TRABD2B: variants seen among roughly 807,000 people sequenced by gnomAD.
TRABD2B encodes metalloprotease TIKI2.
TRABD2B carries 14 observed loss-of-function variants against 40.1 expected under a neutral mutation model. That is an observed-to-expected ratio of 0.35 (90% CI 0.23 to 0.55). The LOEUF is 0.55. TRABD2B is among the 20% of genes least tolerant of loss of function. The pLI, the probability that TRABD2B is intolerant of heterozygous loss-of-function variation, is 0.90. For synonymous variants in TRABD2B, 263 were observed against 277.0 expected (o/e 0.95, Z 0.50); for missense variants, 541 against 648.6 (o/e 0.83, Z 1.80).
In TRABD2B at chr1:47,895,165, G is replaced by A. The variant is rs372599524; in HGVS notation, c.667-93546C>T. Among the ~76,000 whole-genome samples the A allele has an allele frequency of 8.7e-4, 133 of 152,278 alleles. 2 individuals are homozygous for A. The highest frequency in any genetic ancestry group is 3.1e-3 in the African/African-American group (127 of 41,554). Reference sequence around the variant, plus strand: ...ATTCCCCAGGAGACGGCCACAGGGAGGAAGACCTGAGTTTCATAGCCTGAG... The same window carrying A: ...ATTCCCCAGGAGACGGCCACAGGGAAGAAGACCTGAGTTTCATAGCCTGAG... On this transcript the variant is annotated intron_variant, in intron 2 of 6. Coordinates refer to ENST00000606738, the MANE Select transcript of TRABD2B (RefSeq NM_001194986.2).
intron 2 of TRABD2B, among the ~76,000 whole-genome samples, chr1:47,844,292 G>C (rs1417223712): frequency 6.6e-6 from 1 of 152,184 alleles, no homozygotes; most frequent in African/African-American, 2.4e-5. Flanking sequence ...GTGTGTCCAT[G>C]CCTGCCCAGA....
intron 2 of TRABD2B, among the ~76,000 whole-genome samples, chr1:47,900,545 T>C (rs1388874655): frequency 6.6e-6 from 1 of 152,120 alleles, no homozygotes; most frequent in Admixed American, 6.5e-5. Flanking sequence ...CACCTAAAAG[T>C]GAAGTCTGAT....
chr1:47,990,462 C>T (rs958838899), intron 2 of TRABD2B, among the ~76,000 whole-genome samples: 1 of 152,022 alleles, frequency 6.6e-6, no homozygotes, highest in African/African-American at 2.4e-5. Flanking sequence ...CTCACCGCCT[C>T]CTAATACTCC....
intron 2 of TRABD2B, among the ~76,000 whole-genome samples, chr1:47,900,918 G>C (rs916120440): frequency 6.6e-6 from 1 of 152,100 alleles, no homozygotes; most frequent in Non-Finnish European, 1.5e-5. Context: ...GAAAGGGCTG[G>C]GAGTGGGCAC....
At chr1:47,850,021 T>C (rs1015669019) in intron 2 of TRABD2B, among the ~76,000 whole-genome samples, 1 of 152,210 alleles carries the variant, frequency 6.6e-6, no homozygotes, top group African/African-American at 2.4e-5. Context: ...CCAGATCAAA[T>C]TCCCCTGCCT....
At chr1:47,920,496 G>A (rs1024819274) in intron 2 of TRABD2B, among the ~76,000 whole-genome samples, 4 of 152,224 alleles carry the variant, frequency 2.6e-5, no homozygotes, top group African/African-American at 9.6e-5. Flanking sequence ...TCCCCTGGGG[G>A]CAGCCCCACT....
chr1:47,788,629 G>A (rs928565230), intron 4 of TRABD2B, among the ~76,000 whole-genome samples: 2 of 152,234 alleles, frequency 1.3e-5, no homozygotes, highest in Admixed American at 6.5e-5. Context: ...AGAGAGGCTG[G>A]AGCAAATAAT....
At chr1:47,802,396 G>A (rs978203545) in intron 2 of TRABD2B, among the ~76,000 whole-genome samples, 1 of 152,112 alleles carries the variant, frequency 6.6e-6, no homozygotes, top group African/African-American at 2.4e-5. Flanking sequence ...CATTTTAGAT[G>A]GGGACACTGA....
intron 2 of TRABD2B, among the ~76,000 whole-genome samples, chr1:47,852,162 G>A (rs1645558335): frequency 6.6e-6 from 1 of 152,170 alleles, no homozygotes; most frequent in African/African-American, 2.4e-5. Context: ...TGGGGGACTA[G>A]GCTCCCGAGA....
intron 2 of TRABD2B, among the ~76,000 whole-genome samples, chr1:47,916,690 C>T (rs982157): frequency 0.46 from 69,999 of 152,226 alleles, 17,920 homozygotes; most frequent in Middle Eastern, 0.62. Context: ...ATTAGGGAAG[C>T]TGCAGGACAT....
intron 2 of TRABD2B, among the ~76,000 whole-genome samples, chr1:47,869,108 G>T (rs1472041885): frequency 6.6e-6 from 1 of 151,922 alleles, no homozygotes; most frequent in Non-Finnish European, 1.5e-5. Context: ...TCCCCCATAA[G>T]AATTCCATGT....
intron 6 of TRABD2B, among the ~76,000 whole-genome samples, chr1:47,767,637 T>C (rs991077886): frequency 3.3e-5 from 5 of 152,252 alleles, no homozygotes; most frequent in Admixed American, 6.5e-5. Flanking sequence ...GGGCACACAG[T>C]AGGTGCTCAA....
In TRABD2B at chr1:47,775,297, G is replaced by A; in HGVS notation, c.1222C>T (p.His408Tyr). 4.0e-6 allele frequency: 5 copies of A among 1,255,168 alleles called. No individual in the cohort carries two copies. The highest frequency in any genetic ancestry group is 5.0e-6 in the Non-Finnish European group (5 of 997,324). The allele number at this position is 1,255,168 out of a possible 1,614,324, so 77.8% of individuals were successfully genotyped here. ...PEDEDPALSP[H>Y]LLLPDSLSQL... ...CTGAGGCTGTCGGGGAGCAGGAGGT[G>A]TGGGGACAGGGCTGGATCCTCATCC... The change falls in exon 6 of 7, where the codon CAC becomes TAC. Residue 408 changes from histidine (H) to tyrosine (Y), a missense_variant. Coordinates refer to ENST00000606738, the MANE Select transcript of TRABD2B (RefSeq NM_001194986.2).
At chr1:47,779,515 T>C (rs916852972) in intron 4 of TRABD2B, among the ~76,000 whole-genome samples, 2 of 152,218 alleles carry the variant, frequency 1.3e-5, no homozygotes, top group African/African-American at 4.8e-5. Flanking sequence ...TCTTCCTGTG[T>C]TGGAATGCAG....
intron 2 of TRABD2B, among the ~76,000 whole-genome samples, chr1:47,852,669 T>C (rs1338669114): frequency 6.6e-6 from 1 of 152,180 alleles, no homozygotes; most frequent in African/African-American, 2.4e-5. Flanking sequence ...TTCCAGGCAC[T>C]GGTTACATAC....
At chr1:47,909,109 T>G (rs1448338908) in intron 2 of TRABD2B, among the ~76,000 whole-genome samples, 1 of 152,272 alleles carries the variant, frequency 6.6e-6, no homozygotes, top group East Asian at 1.9e-4. Flanking sequence ...CCATTCTTTT[T>G]GCTAGGCATG....
chr1:47,918,049 T>C (rs1380054858), intron 2 of TRABD2B, among the ~76,000 whole-genome samples: 3 of 152,248 alleles, frequency 2.0e-5, no homozygotes, highest in East Asian at 3.8e-4. Flanking sequence ...TCAGAGGTGC[T>C]ACCTGGATTT....
At chr1:47,969,791 G>C (rs955288509) in intron 2 of TRABD2B, among the ~76,000 whole-genome samples, 1 of 152,192 alleles carries the variant, frequency 6.6e-6, no homozygotes, top group Non-Finnish European at 1.5e-5. Flanking sequence ...GGGGTTCAGA[G>C]GGAGGACAAG....
intron 4 of TRABD2B, among the ~76,000 whole-genome samples, chr1:47,792,912 G>A (rs746806733): frequency 2.6e-5 from 4 of 152,132 alleles, no homozygotes; most frequent in Non-Finnish European, 5.9e-5. Flanking sequence ...ACTGGGGGCT[G>A]TTCCAGAGCA....
Sources: gnomAD v4.1 joint callset for allele counts (sites outside exome capture counted in the v4.1 genomes callset) on GRCh38, gnomAD v4.1.1 for gene constraint, MANE v1.5 for transcripts, NCBI Gene and HGNC (gene_info 2026-07-23, HGNC 2026-07-21) for gene names.